Variants in RC3H1 observed in about 807,000 individuals in gnomAD.
RC3H1 encodes the protein ring finger and CCCH-type domains 1, also known as roquin-1.
In RC3H1, 50 loss-of-function variants were observed where a neutral mutation model predicts 138.2. The observed-to-expected ratio is 0.36, with a 90% confidence interval of 0.29 to 0.46. The LOEUF is 0.46. Ranked by LOEUF, RC3H1 falls within the 20% of genes least tolerant of loss-of-function variation. The pLI, the probability that RC3H1 is intolerant of heterozygous loss-of-function variation, is 1.00. For missense variants in RC3H1, 1,031 were observed against 1,388.1 expected (o/e 0.74, Z 4.09); for synonymous variants, 462 against 489.1 (o/e 0.94, Z 0.73).
rs1186508108 is a variant in RC3H1 at position 173,938,831 on chromosome 1, T to C, written c.3292A>G (p.Ser1098Gly). The part of the protein sequence containing the change: ...NGSALTQENI[S>G]LLSNKTSSLN... ...GAGCTGGTCTTGTTTGATAGGAGGC[T>C]GATATTCTCTTGTGTCAAGGCTGAT... is the stretch of plus-strand genomic sequence containing the variant. The change falls in exon 20 of 20, where the codon AGC becomes GGC. Residue 1098 changes from serine to glycine, a missense_variant. Transcript: ENST00000367696. 1.2e-6 allele frequency: 2 copies of C among 1,613,576 alleles called. No individual in the cohort carries two copies. The highest frequency in any genetic ancestry group is 1.1e-5 in the South Asian group (1 of 91,026).
chr1:173,951,846 A>C (rs1659414158), intron 14 of RC3H1, 140 bp downstream of exon 14: 2 of 597,150 alleles, frequency 3.3e-6, no homozygotes, highest in Non-Finnish European at 5.2e-6. Flanking sequence ...TACTGTTTAA[A>C]GATAACTCAA....
intron 7 of RC3H1, among the ~76,000 whole-genome samples, chr1:173,976,364 C>T (rs1571212705): frequency 6.6e-6 from 1 of 150,654 alleles, no homozygotes; most frequent in East Asian, 1.9e-4. Context: ...CTACTCGGGA[C>T]AAGAATTGCT....
chr1:173,971,487 A>G (rs1015024987), intron 8 of RC3H1, among the ~76,000 whole-genome samples: 1 of 152,224 alleles, frequency 6.6e-6, no homozygotes, highest in African/African-American at 2.4e-5. Flanking sequence ...AATAGTTCCA[A>G]AAGTACAAAT....
chr1:174,000,312 C>T (rs1463698997), intron 1 of RC3H1, among the ~76,000 whole-genome samples: 1 of 152,122 alleles, frequency 6.6e-6, no homozygotes, highest in Non-Finnish European at 1.5e-5. Flanking sequence ...ACATATGACA[C>T]ATTTATTACC....
In RC3H1 at chr1:173,958,813, T is replaced by G. The variant is rs180843460; in HGVS notation, c.2370+2264A>C. Among the ~76,000 whole-genome samples the G allele has an allele frequency of 3.3e-3, 491 of 150,964 alleles. 1 individual carries two copies. The highest frequency in any genetic ancestry group is 0.011 in the African/African-American group (453 of 40,408). On this transcript the variant is annotated intron_variant, in intron 13 of 19. Transcript: ENST00000367696. Reference sequence around the variant, plus strand: ...TTTTTTTTGAGCAATCTTATTTGACTGTTTTTTTTTTCTGATTTTCACTAT... The same window carrying G: ...TTTTTTTTGAGCAATCTTATTTGACGGTTTTTTTTTTCTGATTTTCACTAT...
At chr1:173,946,404 C>A in intron 17 of RC3H1, 72 bp downstream of exon 17, 1 of 1,466,178 alleles carries the variant, frequency 6.8e-7, no homozygotes, top group Non-Finnish European at 9.3e-7. Flanking sequence ...TTCACAGTGC[C>A]TCAAAAGTTC....
chr1:173,981,327 T>C (rs980200000), intron 5 of RC3H1, among the ~76,000 whole-genome samples: 1 of 152,194 alleles, frequency 6.6e-6, no homozygotes, highest in Non-Finnish European at 1.5e-5. Flanking sequence ...TTTTAGAATA[T>C]CTGCATTAAA....
At position 173,965,079 on chromosome 1, in the gene RC3H1, A is replaced by C. The variant is rs1321570822; in HGVS notation, c.1376T>G (p.Leu459Trp). The C allele has an allele frequency of 1.9e-6, 3 of 1,614,070 alleles. No homozygotes were observed. Among genetic ancestry groups the C allele is most frequent in the Non-Finnish European group, 2.5e-6 (3 of 1,180,002 alleles). The stretch of plus-strand genomic sequence containing the variant: ...ATTAAGTTGACCCAAAGAGGCACTC[A>C]AGGGTCTTCTCGGAACCAGGCGCTT... ...MNKRLVPRRPLSASLGQLNEV... is the reference protein window; with the variant it reads ...MNKRLVPRRPWSASLGQLNEV... The change falls in exon 10 of 20, where the codon TTG (leucine) becomes TGG (tryptophan). Residue 459 changes from leucine to tryptophan, a missense_variant. Coordinates refer to ENST00000367696, the MANE Select transcript of RC3H1 (RefSeq NM_172071.4).
At chr1:173,962,313 T>C (rs58576036) in intron 11 of RC3H1, among the ~76,000 whole-genome samples, 2,320 of 152,270 alleles carry the variant, frequency 0.015, 69 homozygotes, top group African/African-American at 0.054. Context: ...TTATAATCTA[T>C]AATAGTAGAT....
intron 14 of RC3H1, among the ~76,000 whole-genome samples, 184 bp from the exon 15 acceptor site, chr1:173,947,766 AG>A (rs2102870239): frequency 6.6e-6 from 1 of 152,232 alleles, no homozygotes; most frequent in South Asian, 2.1e-4. Flanking sequence ...GAGGGGCGAC[AG>A]GGTCTCACAC....
chr1:173,946,205 C>CA (rs1004311985), intron 17 of RC3H1, among the ~76,000 whole-genome samples: 4 of 151,234 alleles, frequency 2.6e-5, no homozygotes, highest in South Asian at 2.1e-4. Flanking sequence ...AACAAACAAA[C>CA]AAAAAAAACC....
intron 1 of RC3H1, among the ~76,000 whole-genome samples, chr1:174,014,999 G>T: frequency 6.6e-6 from 1 of 152,256 alleles, no homozygotes; most frequent in South Asian, 2.1e-4. Context: ...CTAATGAGGT[G>T]TTGTATAGGT....
chr1:173,990,641 C>T lies in RC3H1; in HGVS notation c.231+2114G>A, dbSNP rs1017058063. Among the ~76,000 whole-genome samples the T allele has an allele frequency of 1.5e-4, 22 of 150,472 alleles. No homozygotes were observed. The East Asian group carries it at 3.4e-3, about 23-fold the overall frequency. ...AGGCTGGAGTGCAGTGGTGCGATCTCGGCTCACTGCAAGCTCCGCCTCCCG... is the reference window on the plus strand; with the variant it reads ...AGGCTGGAGTGCAGTGGTGCGATCTTGGCTCACTGCAAGCTCCGCCTCCCG... On this transcript the variant is annotated intron_variant, in intron 2 of 19. Coordinates refer to ENST00000367696, the MANE Select transcript of RC3H1 (RefSeq NM_172071.4).
At chr1:173,962,393 T>G (rs1014547112) in intron 11 of RC3H1, among the ~76,000 whole-genome samples, 2 of 152,136 alleles carry the variant, frequency 1.3e-5, no homozygotes, top group African/African-American at 2.4e-5. Flanking sequence ...ACAAAAAAAC[T>G]ACATTTCCCA....
At chr1:173,955,336 GAGA>G (rs1388551483) in intron 13 of RC3H1, among the ~76,000 whole-genome samples, 3 of 59,882 alleles carry the variant, frequency 5.0e-5, no homozygotes, top group Non-Finnish European at 9.8e-5. Context: ...TTTTTTTTTT[GAGA>G]AGGAGTCTTG....
At chr1:173,997,006 G>A (rs1351957926) in intron 1 of RC3H1, among the ~76,000 whole-genome samples, 1 of 152,002 alleles carries the variant, frequency 6.6e-6, no homozygotes, top group African/African-American at 2.4e-5. Flanking sequence ...GAGACAGGTG[G>A]ATCTCTTGAG....
At chr1:174,003,216 G>A (rs759472683) in intron 1 of RC3H1, among the ~76,000 whole-genome samples, 2 of 151,912 alleles carry the variant, frequency 1.3e-5, no homozygotes, top group Non-Finnish European at 2.9e-5. Context: ...GTGAAACCCC[G>A]TCTCTACTAA....
chr1:173,953,774 C>G (rs1301016901), intron 13 of RC3H1, among the ~76,000 whole-genome samples: 1 of 152,052 alleles, frequency 6.6e-6, no homozygotes, highest in Non-Finnish European at 1.5e-5. Context: ...CAAGGTGGCT[C>G]ACGCCTGCAA....
chr1:173,982,016 T>C (rs936907655), intron 5 of RC3H1, among the ~76,000 whole-genome samples: 1 of 152,202 alleles, frequency 6.6e-6, no homozygotes, highest in Non-Finnish European at 1.5e-5. Context: ...AGCATTACCA[T>C]ATAAACTGAA....
Sources: gnomAD v4.1 joint callset for allele counts (sites outside exome capture counted in the v4.1 genomes callset) on GRCh38, gnomAD v4.1.1 for gene constraint, MANE v1.5 for transcripts, NCBI Gene and HGNC (gene_info 2026-07-23, HGNC 2026-07-21) for gene names.